Variants in WWOX observed in about 807,000 individuals in gnomAD.
WWOX encodes WW domain-containing oxidoreductase.
In WWOX, 69 loss-of-function variants were observed where a neutral mutation model predicts 46.2. The observed-to-expected ratio is 1.49, with a 90% confidence interval of 1.23 to 1.82. WWOX has a LOEUF of 1.82. Ranked by LOEUF, WWOX falls within the 40% of genes most tolerant of loss-of-function variation. WWOX has a pLI of 0.00. For synonymous variants in WWOX, 359 were observed against 202.6 expected (o/e 1.77, Z -6.56); for missense variants, 919 against 542.6 (o/e 1.69, Z -6.89).
intron 8 of WWOX, among the ~76,000 whole-genome samples, chr16:78,538,084 G>T (rs1323622043): frequency 1.3e-5 from 2 of 152,022 alleles, no homozygotes; most frequent in African/African-American, 4.8e-5. Flanking sequence ...GGCACAGAAG[G>T]GGGTAATTAT....
chr16:79,180,315 G>C (rs1288731809), intron 8 of WWOX, among the ~76,000 whole-genome samples: 1 of 152,208 alleles, frequency 6.6e-6, no homozygotes, highest in African/African-American at 2.4e-5. Context: ...GGTCACGCAA[G>C]GAAGCTTTTT....
intron 8 of WWOX, among the ~76,000 whole-genome samples, chr16:78,620,000 A>C (rs2046138580): frequency 6.6e-6 from 1 of 152,166 alleles, no homozygotes; most frequent in African/African-American, 2.4e-5. Context: ...CTGATTAACC[A>C]AGTGAAAGAG....
intron 8 of WWOX, among the ~76,000 whole-genome samples, chr16:79,201,988 C>G (rs937971635): frequency 2.6e-5 from 4 of 152,170 alleles, no homozygotes; most frequent in African/African-American, 9.7e-5. Context: ...TCTTTAATAA[C>G]AGTCTTAATC....
At chr16:78,688,777 G>C (rs968791352) in intron 8 of WWOX, among the ~76,000 whole-genome samples, 1 of 152,138 alleles carries the variant, frequency 6.6e-6, no homozygotes, top group Non-Finnish European at 1.5e-5. Context: ...ATCTCATCTT[G>C]AGTTGTAGTT....
chr16:79,046,117 A>G (rs1367248660), intron 8 of WWOX, among the ~76,000 whole-genome samples: 5 of 152,028 alleles, frequency 3.3e-5, no homozygotes, highest in Admixed American at 2.6e-4. Context: ...TTTCTTTTCT[A>G]TATTGTAGGG....
intron 8 of WWOX, among the ~76,000 whole-genome samples, chr16:78,961,643 G>A (rs12449098): frequency 1.3e-5 from 2 of 152,190 alleles, no homozygotes; most frequent in South Asian, 4.2e-4. Context: ...AAGAGTCTTT[G>A]ATCTTCCAGC....
chr16:78,817,594 C>G (rs1423126421), intron 8 of WWOX, among the ~76,000 whole-genome samples: 1 of 152,192 alleles, frequency 6.6e-6, no homozygotes, highest in African/African-American at 2.4e-5. Context: ...TCGCTTGGAG[C>G]CAGCACTAAT....
At chr16:78,442,050 T>A (rs2083456741) in intron 8 of WWOX, among the ~76,000 whole-genome samples, 1 of 151,578 alleles carries the variant, frequency 6.6e-6, no homozygotes, top group African/African-American at 2.4e-5. Flanking sequence ...GCTGGGAGGA[T>A]GACTTGAGCC....
chr16:78,637,102 C>G (rs948417516), intron 8 of WWOX, among the ~76,000 whole-genome samples: 6 of 152,136 alleles, frequency 3.9e-5, no homozygotes, highest in Non-Finnish European at 8.8e-5. Flanking sequence ...ATGCAATGCC[C>G]ATCACACTGC....
chr16:78,634,321 C>T (rs2046511954), intron 8 of WWOX, among the ~76,000 whole-genome samples: 1 of 152,124 alleles, frequency 6.6e-6, no homozygotes, highest in Non-Finnish European at 1.5e-5. Flanking sequence ...CGCTTCAGCT[C>T]TTATTTTTAA....
intron 8 of WWOX, among the ~76,000 whole-genome samples, chr16:78,508,667 C>T (rs2085278776): frequency 6.6e-6 from 1 of 152,116 alleles, no homozygotes; most frequent in South Asian, 2.1e-4. Flanking sequence ...CTGATGGTGC[C>T]CTCCATTTCA....
chr16:78,534,944 C>A (rs2043722444), intron 8 of WWOX, among the ~76,000 whole-genome samples: 1 of 152,134 alleles, frequency 6.6e-6, no homozygotes, highest in East Asian at 1.9e-4. Flanking sequence ...GATGTCCTTA[C>A]CTCATGATCT....
chr16:78,171,973 A>T (rs1225999801), intron 5 of WWOX, among the ~76,000 whole-genome samples: 1 of 152,152 alleles, frequency 6.6e-6, no homozygotes, highest in Non-Finnish European at 1.5e-5. Context: ...ACAGTAAAGT[A>T]TTTATATTAT....
At chr16:78,857,945 A>C (rs1008072353) in intron 8 of WWOX, among the ~76,000 whole-genome samples, 3 of 152,192 alleles carry the variant, frequency 2.0e-5, no homozygotes, top group Non-Finnish European at 2.9e-5. Context: ...AGGACACCCA[A>C]TTAGAAGAAT....
intron 8 of WWOX, among the ~76,000 whole-genome samples, chr16:78,687,504 T>C (rs2047890337): frequency 6.6e-6 from 1 of 152,188 alleles, no homozygotes; most frequent in South Asian, 2.1e-4. Context: ...TCTCAGGGCG[T>C]CCTAATTGTG....
chr16:78,907,378 T>C (rs1239886418), intron 8 of WWOX, among the ~76,000 whole-genome samples: 3 of 152,252 alleles, frequency 2.0e-5, no homozygotes, highest in African/African-American at 7.2e-5. Context: ...ATTGCAAATC[T>C]TGTAACCTCT....
At chr16:78,122,242 A>T (rs2033131651) in intron 4 of WWOX, among the ~76,000 whole-genome samples, 1 of 152,152 alleles carries the variant, frequency 6.6e-6, no homozygotes, top group Admixed American at 6.5e-5. Context: ...TCTCCCGAGG[A>T]TAAGGGGGGG....
intron 5 of WWOX, among the ~76,000 whole-genome samples, chr16:78,368,104 C>T (rs1010859166): frequency 7.9e-5 from 12 of 152,156 alleles, no homozygotes; most frequent in African/African-American, 2.2e-4. Context: ...GCTGCTTTTT[C>T]TGCCTTTGTT....
chr16:79,006,081 T>C (rs548633238), intron 8 of WWOX, among the ~76,000 whole-genome samples: 167 of 152,322 alleles, frequency 1.1e-3, no homozygotes, highest in African/African-American at 3.8e-3. Flanking sequence ...GCATGGTCAC[T>C]GCGCTAGGGA....
Sources: gnomAD v4.1 joint callset for allele counts (sites outside exome capture counted in the v4.1 genomes callset) on GRCh38, gnomAD v4.1.1 for gene constraint, MANE v1.5 for transcripts, NCBI Gene and HGNC (gene_info 2026-07-23, HGNC 2026-07-21) for gene names.